Variants in AHNAK2 observed in about 807,000 individuals in gnomAD.
AHNAK2 encodes the protein protein AHNAK2.
AHNAK2 carries 18 observed loss-of-function variants against 30.7 expected under a neutral mutation model. That is an observed-to-expected ratio of 0.59 (90% CI 0.41 to 0.87). AHNAK2 has a LOEUF of 0.87. Ranked by LOEUF, AHNAK2 falls within the 40% of genes least tolerant of loss-of-function variation. The pLI, the probability that AHNAK2 is intolerant of heterozygous loss-of-function variation, is 0.00. For missense variants in AHNAK2, 8,604 were observed against 7,373.0 expected, an observed-to-expected ratio of 1.17 and a Z score of -6.11; for synonymous variants, 3,590 against 3,073.8, an observed-to-expected ratio of 1.17 and a Z score of -5.56.
At position 104,942,923 on chromosome 14, in the gene AHNAK2, G is replaced by A. The variant is rs370189184; in HGVS notation, c.12528C>T (p.Leu4176=). Reference sequence around the variant, plus strand: ...ACTGAATGCTGAGGTCAGTGGTCTTGAGGTCCCCCTGCATGGAGGGGAGGC... The same window carrying A: ...ACTGAATGCTGAGGTCAGTGGTCTTAAGGTCCCCCTGCATGGAGGGGAGGC... ...DVSLPSMQGD[L]KTTDLSIQSP... Residue 4176 remains leucine (L), a synonymous_variant, in exon 7 of 7, where the codon CTC becomes CTT. Transcript: ENST00000333244. 48 of 1,609,966 alleles carry A rather than the reference G, an allele frequency of 3.0e-5. No individual in the cohort carries two copies. In the African/African-American group the frequency reaches 5.1e-4, roughly 17 times the overall value.
In AHNAK2 at chr14:104,946,992, A is replaced by G. The variant is rs1898315528; in HGVS notation, c.8459T>C (p.Met2820Thr). ...TGGGGCCGACACCCCGAATGACGGC[A>G]TCTTGAACTTGGGCATTTTGAACTT... ...DSKFKMPKFK[M>T]PSFGVSAPGK... is the part of the protein sequence containing the mutation. The change falls in exon 7 of 7, where the codon ATG (methionine) becomes ACG (threonine). Residue 2820 changes from methionine to threonine, a missense_variant. Met to Thr is a moderately conservative substitution (Grantham distance 81). Transcript: ENST00000333244. 3.7e-6 allele frequency: 6 copies of G among 1,612,198 alleles called. No homozygotes were observed. In the East Asian group the frequency reaches 1.3e-4, roughly 36 times the overall value.
At position 104,938,050 on chromosome 14, in the gene AHNAK2, T is replaced by TATCA. The variant is rs769766602; in HGVS notation, c.*12_*13insTGAT. On this transcript the variant is annotated 3_prime_UTR_variant, in exon 7 of 7. Coordinates refer to ENST00000333244, the MANE Select transcript of AHNAK2 (RefSeq NM_138420.4). ...GTTTTTTGCATCTCTCTTGTACTGA[T>TATCA]GAGCCATACCTCTCAGCCTTCATTT... 20 of 1,608,542 alleles carry TATCA rather than the reference T, an allele frequency of 1.2e-5. No individual in the cohort carries two copies. The East Asian group carries it at 4.5e-4, about 36-fold the overall frequency.
rs746044494 is a variant in AHNAK2, at chr14:104,944,969, G to A, written c.10482C>T (p.Ala3494=). Reference sequence around the variant, plus strand: ...CCTTCGGCGCAGACACATCCAGCGAGGCCTCGATGGACCTGCCTGGGGCCG... The same window carrying A: ...CCTTCGGCGCAGACACATCCAGCGAAGCCTCGATGGACCTGCCTGGGGCCG... The part of the protein sequence containing the change: ...GVSAPGRSIE[A]SLDVSAPKVE... Residue 3494 remains alanine (A), a synonymous_variant, in exon 7 of 7, where the codon GCC becomes GCT. Coordinates refer to ENST00000333244, the MANE Select transcript of AHNAK2 (RefSeq NM_138420.4). 1 of 1,613,128 alleles carries A rather than the reference G, an allele frequency of 6.2e-7. No homozygotes were observed. Among genetic ancestry groups the A allele is most frequent in the Non-Finnish European group, 8.5e-7 (1 of 1,179,598 alleles).
Position 104,950,804 on chromosome 14 carries a change from G to A in AHNAK2, c.4647C>T (p.Asp1549=), listed in dbSNP as rs372521162. 7.6e-5 allele frequency: 121 copies of A among 1,586,716 alleles called. 5 individuals carry two copies. In the African/African-American group the frequency reaches 1.3e-3, roughly 18 times the overall value. ...TDLSIQPPSA[D]LEVQAGQVDV... ...CCACTTGGCCAGCCTGGACCTCCAGGTCAGCAGAAGGGGGCTGTATGCTCA... is the reference window on the plus strand; with the variant it reads ...CCACTTGGCCAGCCTGGACCTCCAGATCAGCAGAAGGGGGCTGTATGCTCA... The change falls in exon 7 of 7, where the codon GAC becomes GAT. Residue 1549 remains aspartate, a synonymous_variant. Coordinates refer to ENST00000333244, the MANE Select transcript of AHNAK2 (RefSeq NM_138420.4).
chr14:104,945,567 G>A lies in AHNAK2; in HGVS notation c.9884C>T (p.Ser3295Phe), dbSNP rs551959009. 1 of 1,610,406 alleles carries A rather than the reference G, an allele frequency of 6.2e-7. No individual in the cohort carries two copies. The highest frequency in any genetic ancestry group is 1.1e-5 in the South Asian group (1 of 90,828). The change falls in exon 7 of 7, where the codon TCC becomes TTC. Residue 3295 changes from serine (S) to phenylalanine (F), a missense_variant. Ser to Phe is a radical substitution (Grantham distance 155, BLOSUM62 -2). Coordinates refer to ENST00000333244, the MANE Select transcript of AHNAK2 (RefSeq NM_138420.4). ...GGCAGTCACATCCTTGTCGGCCAGGGACAGGTCCCCCTCCAGCCGTGCACC... is the reference window on the plus strand; with the variant it reads ...GGCAGTCACATCCTTGTCGGCCAGGAACAGGTCCCCCTCCAGCCGTGCACC... ...LDGARLEGDL[S>F]LADKDVTAKD...
chr14:104,956,678 G>A lies in AHNAK2; in HGVS notation c.225C>T (p.Pro75=), dbSNP rs767685230. The A allele has an allele frequency of 1.4e-5, 22 of 1,613,426 alleles. No individual in the cohort carries two copies. The highest frequency in any genetic ancestry group is 1.6e-4 in the Middle Eastern group (1 of 6,062). ...GTCTCCCAGCAGAACCTTGCCTGCC[G>A]GGGGCGTCTTCCTGCAGCCACAAGT... The part of the protein sequence containing the change: ...AADFGLQEDA[P]GRQGSAGRRR... The change falls in exon 4 of 7, where the codon CCC becomes CCT. Residue 75 remains proline, a synonymous_variant. Coordinates refer to ENST00000333244, the MANE Select transcript of AHNAK2 (RefSeq NM_138420.4).
chr14:104,955,589 C>T lies in AHNAK2; in HGVS notation c.360G>A (p.Glu120=), dbSNP rs1898950130. 6.2e-7 allele frequency: 1 copy of T among 1,613,632 alleles called. No homozygotes were observed. The highest frequency in any genetic ancestry group is 8.5e-7 in the Non-Finnish European group (1 of 1,179,838). Residue 120 remains glutamate (E), a synonymous_variant, in exon 5 of 7, where the codon GAG becomes GAA. Coordinates refer to ENST00000333244, the MANE Select transcript of AHNAK2 (RefSeq NM_138420.4). ...ATEVTLKTEV[E]AGASGYSVTG... is the part of the protein sequence containing the mutation. ...TGACACTGTAGCCACTGGCTCCTGC[C>T]TCCACCTCTGTCTTCAGCGTCACCT...
rs773367807 is a variant in AHNAK2, at chr14:104,943,595, C to G, written c.11856G>C (p.Gly3952=). 1 of 1,612,752 alleles carries G rather than the reference C, an allele frequency of 6.2e-7. No homozygotes were observed. The highest frequency in any genetic ancestry group is 1.3e-5 in the African/African-American group (1 of 74,456). The part of the protein sequence containing the change: ...GAKLDGARLE[G]DLSLADKDMT... ...TGTCCTTGTCGGCCAGGGACAGGTC[C>G]CCCTCCAGCCGCGCACCATCCAGCT... The change falls in exon 7 of 7, where the codon GGG becomes GGC. Residue 3952 remains glycine, a synonymous_variant. Coordinates refer to ENST00000333244, the MANE Select transcript of AHNAK2 (RefSeq NM_138420.4).
chr14:104,948,463 C>A lies in AHNAK2; in HGVS notation c.6988G>T (p.Val2330Leu). ...MPKFKMLSFG[V>L]SALGKSIEAS... ...TCGATGGACTTGCCAAGGGCAGACA[C>A]CCCAAACGACAGCATCTTGAACTTG... The change falls in exon 7 of 7, where the codon GTG becomes TTG. Residue 2330 changes from valine to leucine, a missense_variant. Val to Leu is a conservative substitution (Grantham distance 32). Transcript: ENST00000333244. 1.2e-6 allele frequency: 2 copies of A among 1,610,864 alleles called. No homozygotes were observed. Among genetic ancestry groups the A allele is most frequent in the Non-Finnish European group, 1.7e-6 (2 of 1,178,610 alleles).
At position 104,963,593 on chromosome 14, in the gene AHNAK2, G is replaced by A. The variant is rs192598738; in HGVS notation, c.56-5921C>T. Among the ~76,000 whole-genome samples the A allele has an allele frequency of 8.2e-3, 1,246 of 152,270 alleles. 19 individuals are homozygous for A. The highest frequency in any genetic ancestry group is 0.029 in the African/African-American group (1,191 of 41,544). On this transcript the variant is annotated intron_variant, in intron 1 of 6. Transcript: ENST00000333244. ...CGCCTGTAATCCCAACACTTTGGGA[G>A]GCCGAGGCGGGCGGATCACGAGGTC... is the stretch of plus-strand genomic sequence containing the variant.
rs754377870 is a variant in AHNAK2 at position 104,950,796 on chromosome 14, A to G, written c.4655T>C (p.Val1552Ala). 1 of 1,584,682 alleles carries G rather than the reference A, an allele frequency of 6.3e-7. No homozygotes were observed. The highest frequency in any genetic ancestry group is 2.3e-5 in the East Asian group (1 of 44,142). The change falls in exon 7 of 7, where the codon GTC becomes GCC. Residue 1552 changes from valine to alanine, a missense_variant. Physicochemically the swap from Val to Ala is moderately conservative, Grantham distance 64 (BLOSUM62 0). Coordinates refer to ENST00000333244, the MANE Select transcript of AHNAK2 (RefSeq NM_138420.4). ...SIQPPSADLE[V>A]QAGQVDVKLP... is the part of the protein sequence containing the mutation. Reference sequence around the variant, plus strand: ...TTTCACGTCCACTTGGCCAGCCTGGACCTCCAGGTCAGCAGAAGGGGGCTG... The same window carrying G: ...TTTCACGTCCACTTGGCCAGCCTGGGCCTCCAGGTCAGCAGAAGGGGGCTG...
rs200450338 is a variant in AHNAK2 at position 104,941,412 on chromosome 14, G to T, written c.14039C>A (p.Pro4680Gln). 4.8e-5 allele frequency: 77 copies of T among 1,613,102 alleles called. No homozygotes were observed. In the Admixed American group the frequency reaches 7.0e-4, roughly 15 times the overall value. Residue 4680 changes from proline to glutamine, a missense_variant, in exon 7 of 7, where the codon CCA becomes CAA. Physicochemically the swap from Pro to Gln is moderately conservative, Grantham distance 76 (BLOSUM62 -1). Transcript: ENST00000333244. The stretch of plus-strand genomic sequence containing the variant: ...AAGCCCCAAGTTACCATCGCGAGAT[G>T]GATCATGAAGATCACCTTCATGAAC... ...SVVHEGDLHDPSRDGNLGLAV... is the reference protein window; with the variant it reads ...SVVHEGDLHDQSRDGNLGLAV...
At position 104,945,172 on chromosome 14, in the gene AHNAK2, C is replaced by T. The variant is rs1467206823; in HGVS notation, c.10279G>A (p.Val3427Met). ...KLDLKVPKAE[V>M]TVPDVEVSLP... is the part of the protein sequence containing the mutation. ...GACACCTCCACATCAGGGACTGTCA[C>T]TTCCGCCTTGGGGACTTTTAGGTCC... Residue 3427 changes from valine to methionine, a missense_variant, in exon 7 of 7, where the codon GTG becomes ATG. Val to Met is a conservative substitution (Grantham distance 21, BLOSUM62 1). Transcript: ENST00000333244. The T allele has an allele frequency of 2.0e-5, 32 of 1,613,282 alleles. No individual in the cohort carries two copies. The highest frequency in any genetic ancestry group is 3.3e-5 in the Admixed American group (2 of 59,970).
At position 104,945,163 on chromosome 14, in the gene AHNAK2, G is replaced by T. The variant is rs376571290; in HGVS notation, c.10288C>A (p.Pro3430Thr). The stretch of plus-strand genomic sequence containing the variant: ...CTGGGCAGAGACACCTCCACATCAG[G>T]GACTGTCACTTCCGCCTTGGGGACT... ...LKVPKAEVTV[P>T]DVEVSLPSVE... Residue 3430 changes from proline (P) to threonine (T), a missense_variant, in exon 7 of 7, where the codon CCT (proline) becomes ACT (threonine). Transcript: ENST00000333244. The T allele has an allele frequency of 6.2e-7, 1 of 1,613,056 alleles. No individual in the cohort carries two copies. Among genetic ancestry groups the T allele is most frequent in the South Asian group, 1.1e-5 (1 of 91,034 alleles).
chr14:104,940,514 G>T lies in AHNAK2; in HGVS notation c.14937C>A (p.Cys4979Ter), dbSNP rs1321110825. ...KETGPKVDPE[C>*]SVEDSKLSLV... The stretch of plus-strand genomic sequence containing the variant: ...GGCTGAGTTTTGAGTCCTCCACGCT[G>T]CATTCTGGGTCCACCTTTGGCCCTG... The change falls in exon 7 of 7, where the codon TGC becomes TGA. Residue 4979 changes from cysteine to a stop codon, truncating the protein, a stop_gained. Coordinates refer to ENST00000333244, the MANE Select transcript of AHNAK2 (RefSeq NM_138420.4). LOFTEE classifies it low-confidence loss of function (END_TRUNC). The surrounding 1 kb of genome is among the most constrained non-coding windows in gnomAD (Gnocchi z 4.4). 6.2e-7 allele frequency: 1 copy of T among 1,613,786 alleles called. No individual in the cohort carries two copies. The highest frequency in any genetic ancestry group is 8.5e-7 in the Non-Finnish European group (1 of 1,179,880).
chr14:104,944,108 A>G lies in AHNAK2; in HGVS notation c.11343T>C (p.Asp3781=), dbSNP rs1489284350. 1 of 1,612,994 alleles carries G rather than the reference A, an allele frequency of 6.2e-7. No individual in the cohort carries two copies. The change falls in exon 7 of 7, where the codon GAT becomes GAC. Residue 3781 remains aspartate (D), a synonymous_variant. Coordinates refer to ENST00000333244, the MANE Select transcript of AHNAK2 (RefSeq NM_138420.4). ...ACAGGTCCCCCTCCAGCTGTGCACT[A>G]TCCAGTTTGGCTCTTGGGGCCTGGA... ...VDVQAPRAKL[D]SAQLEGDLSL... is the part of the protein sequence containing the mutation.
At chr14:104,963,851 AG>A (rs1899225432) in intron 1 of AHNAK2, among the ~76,000 whole-genome samples, 8 of 151,616 alleles carry the variant, frequency 5.3e-5, no homozygotes, top group African/African-American at 1.9e-4. Context: ...GAAAAAAAAA[AG>A]AGAGAGAGAG....
Position 104,954,095 on chromosome 14 carries a change from G to A in AHNAK2, c.1356C>T (p.Gly452=), listed in dbSNP as rs772596714. 26 of 1,612,572 alleles carry A rather than the reference G, an allele frequency of 1.6e-5. No individual in the cohort carries two copies. The highest frequency in any genetic ancestry group is 2.2e-5 in the South Asian group (2 of 91,068). The change falls in exon 7 of 7, where the codon GGC becomes GGT. Residue 452 remains glycine, a synonymous_variant. Transcript: ENST00000333244. The surrounding 1 kb of genome is among the most constrained non-coding windows in gnomAD (Gnocchi z 4.3). ...CGATTTCCAGGCTCTGCAGTCCCTC[G>A]CCTTCACCCTCCCGGCTCATTCCAG... is the stretch of plus-strand genomic sequence containing the variant. ...PTPGMSREGE[G]EGLQSLEIGI...
rs369008584 is a variant in AHNAK2 at position 104,948,930 on chromosome 14, G to A, written c.6521C>T (p.Ala2174Val). ...CTTGGGTGGAGACACATCCACCGAG[G>A]CCTCGATGGACTTGCCTGGGGCAGA... ...GVSAPGKSIEASVDVSPPKVE... is the reference protein window; with the variant it reads ...GVSAPGKSIEVSVDVSPPKVE... The change falls in exon 7 of 7, where the codon GCC (alanine) becomes GTC (valine). Residue 2174 changes from alanine (A) to valine (V), a missense_variant. Coordinates refer to ENST00000333244, the MANE Select transcript of AHNAK2 (RefSeq NM_138420.4). The A allele has an allele frequency of 2.2e-5, 34 of 1,555,792 alleles. No homozygotes were observed. In the African/African-American group the frequency reaches 2.2e-4, roughly 10 times the overall value.
Sources: allele counts gnomAD v4.1 joint callset (sites outside exome capture counted in the v4.1 genomes callset), GRCh38; gene constraint gnomAD v4.1.1; non-coding constraint Gnocchi (gnomAD v3.1); transcripts MANE v1.5; gene names NCBI Gene and HGNC (gene_info 2026-07-23, HGNC 2026-07-21).